The following ZFAND3 variants were observed in gnomAD, a reference collection of about 807,000 sequenced individuals.
ZFAND3 encodes AN1-type zinc finger protein 3.
In ZFAND3, 10 loss-of-function variants were observed where a neutral mutation model predicts 29.6. That is an observed-to-expected ratio of 0.34 (90% confidence interval 0.21 to 0.57). The LOEUF is 0.57. Ranked by LOEUF, ZFAND3 falls within the 20% of genes least tolerant of loss-of-function variation. ZFAND3 has a pLI of 0.86. For synonymous variants in ZFAND3, 128 were observed against 112.6 expected (o/e 1.14, Z -0.87); for missense variants, 230 against 304.5 (o/e 0.76, Z 1.82).
At chr6:37,903,070 T>A (rs1285712461) in intron 1 of ZFAND3, among the ~76,000 whole-genome samples, 1 of 152,242 alleles carries the variant, frequency 6.6e-6, no homozygotes, top group East Asian at 1.9e-4. Context: ...GTATTCATTT[T>A]TAAAAGGTTG....
intron 1 of ZFAND3, among the ~76,000 whole-genome samples, chr6:37,898,736 CTTGT>C (rs1765263812): frequency 4.6e-5 from 7 of 152,080 alleles, no homozygotes; most frequent in African/African-American, 1.2e-4. Context: ...CACTTTTTAA[CTTGT>C]TTATTGTTTT....
intron 1 of ZFAND3, among the ~76,000 whole-genome samples, chr6:37,915,151 A>G (rs141784658): frequency 2.3e-4 from 35 of 151,960 alleles, no homozygotes; most frequent in Admixed American, 4.6e-4. Flanking sequence ...TCATGAACCA[A>G]CCTCTGCTAT....
intron 2 of ZFAND3, among the ~76,000 whole-genome samples, chr6:37,982,933 G>C (rs35812417): frequency 2.0e-5 from 3 of 152,194 alleles, no homozygotes; most frequent in African/African-American, 7.2e-5. Flanking sequence ...TGTTGACTTA[G>C]GCTAATGTAT....
intron 2 of ZFAND3, among the ~76,000 whole-genome samples, chr6:37,978,948 ATTTGTGTC>A (rs1290914945): frequency 2.0e-5 from 3 of 150,810 alleles, no homozygotes; most frequent in African/African-American, 7.3e-5. Context: ...GATACTGATA[ATTTGTGTC>A]TTTTTTTTTT....
chr6:37,842,168 C>T (rs1214744783), intron 1 of ZFAND3, among the ~76,000 whole-genome samples: 1 of 152,082 alleles, frequency 6.6e-6, no homozygotes, highest in Non-Finnish European at 1.5e-5. Context: ...ATTCGGTATT[C>T]GGTTCCAACA....
rs918462480 is a variant in ZFAND3, at chr6:37,819,896, C to T, written c.-50C>T. 9 of 1,177,848 alleles carry T rather than the reference C, an allele frequency of 7.6e-6. No homozygotes were observed. The highest frequency in any genetic ancestry group is 9.4e-6 in the Non-Finnish European group (9 of 954,268). 73.0% of individuals were successfully genotyped at this position (1,177,848 alleles called of 1,614,324 possible). On this transcript the variant is annotated 5_prime_UTR_variant, in exon 1 of 6. Transcript: ENST00000287218. ...CGCCTCCTCAGAGCGGGGCCCGGGC[C>T]CAGCCGCCGCCACCGCTGCCGCCGC...
chr6:38,153,594 G>A lies in ZFAND3; in HGVS notation c.*1205G>A. The A allele has an allele frequency of 2.0e-6, 2 of 985,536 alleles. No individual in the cohort carries two copies. The highest frequency in any genetic ancestry group is 2.4e-6 in the Non-Finnish European group (2 of 830,026). The allele number at this position is 985,536 out of a possible 1,614,324, so 61.0% of individuals were successfully genotyped here. A position where few individuals can be genotyped will look rare whatever the true frequency, so the allele number is the denominator to read the frequency against. On this transcript the variant is annotated 3_prime_UTR_variant, in exon 6 of 6. Coordinates refer to ENST00000287218, the MANE Select transcript of ZFAND3 (RefSeq NM_021943.3). ...TATTTGCTCTGGTAGGTGAGGGCCT[G>A]AGGGTACATTTCTCCACCTGTGCCC... is the stretch of plus-strand genomic sequence containing the variant.
At chr6:37,929,866 T>G in intron 1 of ZFAND3, 93 bp from the exon 2 acceptor site, 2 of 1,286,048 alleles carry the variant, frequency 1.6e-6, no homozygotes, top group South Asian at 1.7e-5. Flanking sequence ...GACCAGAAAG[T>G]TCTTTGCCTA....
At chr6:37,856,275 A>G (rs1407782829) in intron 1 of ZFAND3, among the ~76,000 whole-genome samples, 1 of 152,154 alleles carries the variant, frequency 6.6e-6, no homozygotes, top group Admixed American at 6.5e-5. Flanking sequence ...GATTACAGGC[A>G]TGAGCCACTG....
At chr6:37,915,315 A>G (rs1761227083) in intron 1 of ZFAND3, among the ~76,000 whole-genome samples, 1 of 152,122 alleles carries the variant, frequency 6.6e-6, no homozygotes, top group Non-Finnish European at 1.5e-5. Context: ...GCATATTCGT[A>G]TGTTCACTGG....
chr6:37,956,584 T>C (rs1762089408), intron 2 of ZFAND3, among the ~76,000 whole-genome samples: 1 of 152,220 alleles, frequency 6.6e-6, no homozygotes, highest in African/African-American at 2.4e-5. Context: ...TTAAAATGAA[T>C]GAGAAATGAT....
chr6:37,917,542 T>C (rs994990179), intron 1 of ZFAND3, among the ~76,000 whole-genome samples: 1 of 152,212 alleles, frequency 6.6e-6, no homozygotes, highest in Non-Finnish European at 1.5e-5. Context: ...ACTTTAAGTC[T>C]TTTTGAGGCA....
intron 2 of ZFAND3, among the ~76,000 whole-genome samples, chr6:37,947,534 C>T (rs1761924649): frequency 6.6e-6 from 1 of 152,088 alleles, no homozygotes; most frequent in Non-Finnish European, 1.5e-5. Context: ...TAAAGTACTA[C>T]ATGTATGTAG....
intron 2 of ZFAND3, among the ~76,000 whole-genome samples, chr6:37,944,910 A>G (rs1468442618): frequency 6.6e-6 from 1 of 152,118 alleles, no homozygotes; most frequent in African/African-American, 2.4e-5. Context: ...GTGCGAGCAT[A>G]CTCCAGACAG....
At chr6:37,856,160 A>G (rs1419879517) in intron 1 of ZFAND3, among the ~76,000 whole-genome samples, 1 of 151,884 alleles carries the variant, frequency 6.6e-6, no homozygotes, top group Non-Finnish European at 1.5e-5. Context: ...AGGTCTGGCT[A>G]ATTTTTATAT....
chr6:38,116,632 A>C lies in ZFAND3; in HGVS notation c.422A>C (p.Glu141Ala). Residue 141 changes from glutamate to alanine, a missense_variant, in exon 5 of 6, where the codon GAA (glutamate) becomes GCA (alanine). This residue lies in a region of ZFAND3 where 180 missense variants were observed against 202.5 expected (regional missense o/e 0.89). Coordinates refer to ENST00000287218, the MANE Select transcript of ZFAND3 (RefSeq NM_021943.3). ...VKRPRLLENT[E>A]RSEETSRSKQ... Reference sequence around the variant, plus strand: ...CGGCCACGACTACTTGAGAATACGGAACGGTCCGAGGAAACCAGTCGATCT... The same window carrying C: ...CGGCCACGACTACTTGAGAATACGGCACGGTCCGAGGAAACCAGTCGATCT... 6.2e-7 allele frequency: 1 copy of C among 1,614,108 alleles called. No individual in the cohort carries two copies. Among genetic ancestry groups the C allele is most frequent in the Non-Finnish European group, 8.5e-7 (1 of 1,179,930 alleles).
At chr6:38,147,241 A>G (rs1446725099) in intron 5 of ZFAND3, among the ~76,000 whole-genome samples, 3 of 152,114 alleles carry the variant, frequency 2.0e-5, no homozygotes, top group African/African-American at 7.2e-5. Flanking sequence ...AGAACATGGG[A>G]TATTTGCCTT....
intron 1 of ZFAND3, among the ~76,000 whole-genome samples, chr6:37,856,285 G>C (rs1396603004): frequency 6.6e-6 from 1 of 152,120 alleles, no homozygotes; most frequent in Non-Finnish European, 1.5e-5. Context: ...ATGAGCCACT[G>C]TGCCTGGCTG....
intron 1 of ZFAND3, among the ~76,000 whole-genome samples, chr6:37,918,953 T>TG: frequency 2.0e-5 from 1 of 49,466 alleles, no homozygotes; most frequent in African/African-American, 6.4e-5. Flanking sequence ...AAAAATGCCT[T>TG]TTTTTTTTTT....
Sources: gnomAD v4.1 joint callset for allele counts (sites outside exome capture counted in the v4.1 genomes callset) on GRCh38, gnomAD v4.1.1 for gene constraint, gnomAD v4.1.1 regional missense constraint, MANE v1.5 for transcripts, NCBI Gene and HGNC (gene_info 2026-07-23, HGNC 2026-07-21) for gene names.